Variants in COL9A1 observed in about 807,000 individuals in gnomAD.
COL9A1 encodes collagen alpha-1(IX) chain.
Under a neutral mutation model 142.6 loss-of-function variants are expected in COL9A1, and 104 were observed. The observed-to-expected ratio is 0.73, with a 90% CI of 0.62 to 0.86. COL9A1 has a LOEUF of 0.86. Ranked by LOEUF, COL9A1 falls within the 40% of genes least tolerant of loss-of-function variation. COL9A1 has a pLI of 0.00. For synonymous variants in COL9A1, 466 were observed against 396.0 expected (o/e 1.18, Z -2.10); for missense variants, 1,210 against 1,176.6 (o/e 1.03, Z -0.42).
At chr6:70,218,045 A>G (rs1320412322) in intron 37 of COL9A1, among the ~76,000 whole-genome samples, 1 of 152,216 alleles carries the variant, frequency 6.6e-6, no homozygotes, top group Non-Finnish European at 1.5e-5. Context: ...CAGGAGGCTG[A>G]GGCAGGAGAA....
chr6:70,254,928 C>G, intron 24 of COL9A1, 35 bp downstream of exon 24: 1 of 1,597,448 alleles, frequency 6.3e-7, no homozygotes. Context: ...GCAGAGACAG[C>G]CCCACTCACT....
intron 4 of COL9A1, among the ~76,000 whole-genome samples, chr6:70,297,397 A>G (rs766717139): frequency 1.3e-5 from 2 of 152,142 alleles, no homozygotes; most frequent in African/African-American, 2.4e-5. Flanking sequence ...CCTTTAAACT[A>G]GGCTAGTATA....
At position 70,281,814 on chromosome 6, in the gene COL9A1, G is replaced by T. The variant is rs561613330; in HGVS notation, c.802-350C>A. Among the ~76,000 whole-genome samples, 3 of 152,192 alleles carry T rather than the reference G, an allele frequency of 2.0e-5. No individual in the cohort carries two copies. In the South Asian group the frequency reaches 6.2e-4, roughly 32 times the overall value. On this transcript the variant is annotated intron_variant, in intron 7 of 37. Transcript: ENST00000357250. ...CAAAAGGATACAAAAATGAAAATGG[G>T]GCTCATTCGATACCTCGATTTATCA...
chr6:70,240,624 A>G (rs981776395), intron 32 of COL9A1, 65 bp downstream of exon 32: 2 of 1,090,316 alleles, frequency 1.8e-6, no homozygotes, highest in South Asian at 1.3e-5. Flanking sequence ...AGAAGTATAT[A>G]TATATACTTC....
At chr6:70,230,447 G>T (rs1379597400) in intron 36 of COL9A1, among the ~76,000 whole-genome samples, 1 of 152,136 alleles carries the variant, frequency 6.6e-6, no homozygotes, top group Non-Finnish European at 1.5e-5. Context: ...CTTTGGAAAA[G>T]GGAAAAGAAT....
chr6:70,260,955 T>A, intron 19 of COL9A1: 1 of 428,492 alleles, frequency 2.3e-6, no homozygotes, highest in Middle Eastern at 6.9e-4. Context: ...AAATCACTTA[T>A]GACAAAAAAA....
chr6:70,246,594 A>G (rs985056662), intron 28 of COL9A1, among the ~76,000 whole-genome samples: 3 of 152,150 alleles, frequency 2.0e-5, no homozygotes, highest in Non-Finnish European at 4.4e-5. Context: ...GTCTGGGGTA[A>G]GATCCAGGAA....
intron 8 of COL9A1, 122 bp downstream of exon 8, chr6:70,281,268 G>T: frequency 3.1e-6 from 3 of 954,792 alleles, no homozygotes; most frequent in South Asian, 3.2e-5. Flanking sequence ...CTTTAAGTGG[G>T]GTGGCAGGAA....
chr6:70,240,594 T>TATAC lies in COL9A1; in HGVS notation c.2079+94_2079+95insGTAT, dbSNP rs10587444. ...GAAAATAAGAATATATATATATATATACCAATTTTGAACTGTGTTAGAAGT... is the reference window on the plus strand; with the variant it reads ...GAAAATAAGAATATATATATATATATATACACCAATTTTGAACTGTGTTAGAAGT... On this transcript the variant is annotated intron_variant, in intron 32 of 37. Transcript: ENST00000357250. 906 of 642,948 alleles carry TATAC rather than the reference T, an allele frequency of 1.4e-3. 7 individuals are homozygous for TATAC. Among genetic ancestry groups the TATAC allele is most frequent in the Non-Finnish European group, 1.9e-3 (720 of 374,020 alleles). The allele number at this position is 642,948 out of a possible 1,614,324, so 39.8% of individuals were successfully genotyped here.
rs149459564 is a variant in COL9A1 at position 70,234,813 on chromosome 6, G to C, written c.2240C>G (p.Pro747Arg). ...ACTCACCGGAGGGCCCTGGACACCA[G>C]GCAGGCCGGTGGCACCCTGTTCTCC... is the stretch of plus-strand genomic sequence containing the variant. ...VQGEQGATGL[P>R]GVQGPPGRAP... The change falls in exon 34 of 38, where the codon CCT becomes CGT. Residue 747 changes from proline (P) to arginine (R), a missense_variant. Transcript: ENST00000357250. The C allele has an allele frequency of 1.3e-4, 204 of 1,614,106 alleles. 1 individual carries two copies. The African/African-American group carries it at 2.2e-3, about 17-fold the overall frequency.
intron 16 of COL9A1, 58 bp from the exon 17 acceptor site, chr6:70,268,918 A>G (rs1772218443): frequency 1.4e-6 from 2 of 1,467,806 alleles, no homozygotes; most frequent in East Asian, 4.5e-5. Context: ...ATAAACTAGG[A>G]CTCCCGCTTT....
intron 11 of COL9A1, 90 bp from the exon 12 acceptor site, chr6:70,274,172 AC>A (rs1291442590): frequency 2.9e-6 from 3 of 1,018,598 alleles, no homozygotes; most frequent in Non-Finnish European, 2.9e-6. Context: ...GCATTAAAAC[AC>A]CCCATTATGG....
intron 19 of COL9A1, 118 bp downstream of exon 19, chr6:70,263,126 G>A (rs976765739): frequency 1.2e-5 from 9 of 755,600 alleles, no homozygotes; most frequent in African/African-American, 8.9e-5. Flanking sequence ...GGAAAATAGA[G>A]GACACCAAGT....
downstream of COL9A1, chr6:70,215,912 A>ACACACACACACAC (rs1768470558): frequency 1.3e-5 from 2 of 149,196 alleles, no homozygotes; most frequent in Non-Finnish European, 3.0e-5. Context: ...TACACACTAA[A>ACACACACACACAC]ACACACACAC....
At chr6:70,269,497 G>A (rs765368679) in intron 16 of COL9A1, 136 bp downstream of exon 16, 1 of 681,452 alleles carries the variant, frequency 1.5e-6, no homozygotes, top group Non-Finnish European at 2.7e-6. Flanking sequence ...TAGCGTTACA[G>A]ACTGCTCTGC....
At chr6:70,258,467 A>G (rs1771469740) in intron 20 of COL9A1, 1 of 152,246 alleles carries the variant, frequency 6.6e-6, no homozygotes, top group African/African-American at 2.4e-5. Flanking sequence ...AAGGAACTCA[A>G]CTGAAGCAGA....
Position 70,294,262 on chromosome 6 carries a change from T to A in COL9A1, c.601A>T (p.Ile201Phe), listed in dbSNP as rs534004614. 5.2e-5 allele frequency: 84 copies of A among 1,614,078 alleles called. 1 individual carries two copies. The South Asian group carries it at 9.0e-4, about 17-fold the overall frequency. ...SATLFVDCNRIESLPIKPRGP... is the reference protein window; with the variant it reads ...SATLFVDCNRFESLPIKPRGP... ...CTTGGCTTTATAGGTAAAGATTCAATCCTGTTGCAGTCAACAAAAAGAGTA... is the reference window on the plus strand; with the variant it reads ...CTTGGCTTTATAGGTAAAGATTCAAACCTGTTGCAGTCAACAAAAAGAGTA... Residue 201 changes from isoleucine to phenylalanine, a missense_variant, in exon 5 of 38, where the codon ATT becomes TTT. Coordinates refer to ENST00000357250, the MANE Select transcript of COL9A1 (RefSeq NM_001851.6).
intron 34 of COL9A1, 78 bp downstream of exon 34, chr6:70,234,716 A>T: frequency 6.2e-7 from 1 of 1,607,410 alleles, no homozygotes; most frequent in Non-Finnish European, 8.5e-7. Context: ...ACTTGTTGAG[A>T]AGCTGATGCC....
At chr6:70,261,403 A>T (rs371777157) in intron 19 of COL9A1, among the ~76,000 whole-genome samples, 1 of 152,176 alleles carries the variant, frequency 6.6e-6, no homozygotes, top group East Asian at 1.9e-4. Flanking sequence ...GGATCCAGAA[A>T]TGGATCCTGG....
Sources: allele counts gnomAD v4.1 joint callset (sites outside exome capture counted in the v4.1 genomes callset), GRCh38; gene constraint gnomAD v4.1.1; transcripts MANE v1.5; gene names NCBI Gene and HGNC (gene_info 2026-07-23, HGNC 2026-07-21).